Variants in DMGDH observed in about 807,000 individuals in gnomAD.
DMGDH encodes dimethylglycine dehydrogenase.
A neutral mutation model predicts 95.2 loss-of-function variants in DMGDH; 76 were observed. The observed-to-expected ratio is 0.80, with a 90% CI of 0.66 to 0.97. The LOEUF (loss-of-function observed/expected upper bound fraction) is 0.97. Among genes scored for constraint, DMGDH ranks in the 50% least tolerant of loss-of-function variants. The pLI is 0.00. For missense variants in DMGDH, 987 were observed against 1,055.0 expected (o/e 0.94, Z 0.89); for synonymous variants, 345 against 377.6 (o/e 0.91, Z 1.00).
chr5:79,005,297 A>G lies in DMGDH; in HGVS notation c.2361T>C (p.Asn787=). 1 of 1,613,792 alleles carries G rather than the reference A, an allele frequency of 6.2e-7. No homozygotes were observed. The highest frequency in any genetic ancestry group is 8.5e-7 in the Non-Finnish European group (1 of 1,179,914). The part of the protein sequence containing the change: ...LATDDVDPEG[N]ESIWYNGKVV... ...CCTTGCCATTGTACCAGATGCTTTC[A>G]TTTCCCTCTGGATCAACATCATCCG... The change falls in exon 15 of 16, where the codon AAT becomes AAC. Residue 787 remains asparagine, a synonymous_variant. Transcript: ENST00000255189.
intron 10 of DMGDH, 54 bp from the exon 11 acceptor site, chr5:79,030,088 C>A: frequency 7.0e-7 from 1 of 1,436,654 alleles, no homozygotes; most frequent in Non-Finnish European, 9.7e-7. Context: ...CACATGCATC[C>A]TTTTAACACC....
At chr5:79,027,114 T>A (rs1754023805) in intron 12 of DMGDH, among the ~76,000 whole-genome samples, 1 of 152,198 alleles carries the variant, frequency 6.6e-6, no homozygotes, top group Non-Finnish European at 1.5e-5. Context: ...CCAACAGAGC[T>A]GTGGGCAAAA....
intron 4 of DMGDH, among the ~76,000 whole-genome samples, chr5:79,053,728 C>T (rs2112662162): frequency 6.6e-6 from 1 of 152,292 alleles, no homozygotes; most frequent in East Asian, 1.9e-4. Flanking sequence ...CCGTACCTAG[C>T]ACAGAGTCTG....
At chr5:79,049,735 A>C (rs2112656337) in intron 5 of DMGDH, among the ~76,000 whole-genome samples, 1 of 152,358 alleles carries the variant, frequency 6.6e-6, no homozygotes, top group Admixed American at 6.5e-5. Context: ...CTGGAGGGAA[A>C]GTGAGCCTTA....
chr5:79,028,594 G>GT lies in DMGDH; in HGVS notation c.1870dup (p.Thr624AsnfsTer2), dbSNP rs1754065626. On this transcript the variant is annotated frameshift_variant, in exon 12 of 16. Coordinates refer to ENST00000255189, the MANE Select transcript of DMGDH (RefSeq NM_013391.3). LOFTEE classifies it high-confidence loss of function. ...AACTCCAAGAACTCCAAGCTCATCA[G>GT]TTATGTTTTTAATTTCAACATCATA... 6.2e-7 allele frequency: 1 copy of GT among 1,614,024 alleles called. No homozygotes were observed. Among genetic ancestry groups the GT allele is most frequent in the African/African-American group, 1.3e-5 (1 of 74,928 alleles).
chr5:79,007,014 C>T (rs550773409), intron 14 of DMGDH, among the ~76,000 whole-genome samples: 11 of 152,310 alleles, frequency 7.2e-5, no homozygotes, highest in African/African-American at 2.6e-4. Context: ...CCAATTCTTT[C>T]TCCTTCCCCA....
chr5:79,030,019 T>C lies in DMGDH; in HGVS notation c.1699A>G (p.Ile567Val). ...CCCTTGGGTGTTAACATGTGACTTA[T>C]ATTTGTAAAACCCACCTACATAAAA... ...NVIPKVGFTN[I>V]SHMLTPKGRV... is the part of the protein sequence containing the mutation. Residue 567 changes from isoleucine to valine, a missense_variant, in exon 11 of 16, where the codon ATA (isoleucine) becomes GTA (valine). Ile to Val is a conservative substitution (Grantham distance 29). Coordinates refer to ENST00000255189, the MANE Select transcript of DMGDH (RefSeq NM_013391.3). 1.2e-6 allele frequency: 2 copies of C among 1,613,314 alleles called. No homozygotes were observed. The highest frequency in any genetic ancestry group is 1.7e-6 in the Non-Finnish European group (2 of 1,179,766).
intron 7 of DMGDH, among the ~76,000 whole-genome samples, chr5:79,040,169 C>T (rs561245831): frequency 2.0e-5 from 3 of 152,200 alleles, no homozygotes; most frequent in Admixed American, 6.5e-5. Flanking sequence ...TCTTGTGGAA[C>T]GGATCCCTTA....
At chr5:79,000,118 GT>G (rs961956939) in intron 15 of DMGDH, 5 of 456,208 alleles carry the variant, frequency 1.1e-5, no homozygotes, top group East Asian at 5.5e-5. Context: ...AACATTTTTT[GT>G]TTTTTTTCCA....
intron 14 of DMGDH, among the ~76,000 whole-genome samples, chr5:79,011,186 T>C (rs1753642716): frequency 6.6e-6 from 1 of 152,166 alleles, no homozygotes; most frequent in Non-Finnish European, 1.5e-5. Flanking sequence ...ACCCCCATAA[T>C]AGACAAATTA....
At chr5:79,006,457 G>A (rs1290037657) in intron 14 of DMGDH, among the ~76,000 whole-genome samples, 2 of 152,144 alleles carry the variant, frequency 1.3e-5, no homozygotes, top group South Asian at 4.1e-4. Context: ...CTGGAGGGAG[G>A]GCTGACATCC....
chr5:79,067,458 C>T (rs1755412035), intron 1 of DMGDH, among the ~76,000 whole-genome samples: 1 of 152,010 alleles, frequency 6.6e-6, no homozygotes, highest in East Asian at 1.9e-4. Context: ...TCAGTTGAAA[C>T]AACAACAACA....
chr5:79,016,316 TAC>T (rs143638061), intron 14 of DMGDH, among the ~76,000 whole-genome samples: 3,155 of 152,124 alleles, frequency 0.021, 102 homozygotes, highest in African/African-American at 0.071. Flanking sequence ...TTTATTTTTA[TAC>T]AACATGATTG....
chr5:79,017,563 A>G (rs1430488430), intron 14 of DMGDH, among the ~76,000 whole-genome samples: 1 of 152,232 alleles, frequency 6.6e-6, no homozygotes, highest in Non-Finnish European at 1.5e-5. Context: ...TGGTAGGACT[A>G]TAATATATAA....
At chr5:79,015,099 ACT>A (rs1753706496) in intron 14 of DMGDH, among the ~76,000 whole-genome samples, 2 of 151,680 alleles carry the variant, frequency 1.3e-5, no homozygotes, top group Admixed American at 6.6e-5. Context: ...GCCTTCTGGG[ACT>A]CTCTGCTTGG....
chr5:79,031,104 AGCGGGGAGTGG>A lies in DMGDH; in HGVS notation c.1518-117_1518-107del, dbSNP rs1754164279. 46 of 639,956 alleles carry A rather than the reference AGCGGGGAGTGG, an allele frequency of 7.2e-5. 1 individual carries two copies. The South Asian group carries it at 9.5e-4, about 13-fold the overall frequency. 39.6% of individuals were successfully genotyped at this position (639,956 alleles called of 1,614,324 possible). ...TACTCATCTAGAAAATCCTACGGGC[AGCGGGGAGTGG>A]GACTATGGGAGGCGAGACCATGCAA... On this transcript the variant is annotated intron_variant, in intron 9 of 15. Coordinates refer to ENST00000255189, the MANE Select transcript of DMGDH (RefSeq NM_013391.3).
chr5:79,012,429 G>A (rs1753661372), intron 14 of DMGDH, among the ~76,000 whole-genome samples: 1 of 152,154 alleles, frequency 6.6e-6, no homozygotes, highest in Admixed American at 6.5e-5. Context: ...CAGGCTGAGG[G>A]TGCAAGCTGC....
intron 10 of DMGDH, 158 bp downstream of exon 10, chr5:79,030,675 A>G (rs1754139753): frequency 1.3e-6 from 1 of 777,794 alleles, no homozygotes; most frequent in South Asian, 2.0e-5. Flanking sequence ...AAGAAAAGAA[A>G]AAAAGAAAGT....
chr5:79,051,726 C>T (rs371720555), intron 4 of DMGDH, among the ~76,000 whole-genome samples: 5 of 152,092 alleles, frequency 3.3e-5, no homozygotes. Flanking sequence ...TGGTTTCTGA[C>T]ATTTGAAGAC....
Sources: allele counts gnomAD v4.1 joint callset (sites outside exome capture counted in the v4.1 genomes callset), GRCh38; gene constraint gnomAD v4.1.1; transcripts MANE v1.5; gene names NCBI Gene and HGNC (gene_info 2026-07-23, HGNC 2026-07-21).